Variants in PLPPR5 observed in about 807,000 individuals in gnomAD.
The protein encoded by PLPPR5 is phospholipid phosphatase-related protein type 5.
A neutral mutation model predicts 33.9 loss-of-function variants in PLPPR5; 16 were observed. The observed-to-expected ratio is 0.47, with a 90% CI of 0.32 to 0.72. The LOEUF is 0.72. PLPPR5 is among the 30% of genes least tolerant of loss of function. The pLI is 0.03. For missense variants in PLPPR5, 301 were observed against 406.7 expected, an observed-to-expected ratio of 0.74 and a Z score of 2.23; for synonymous variants, 163 against 150.3, an observed-to-expected ratio of 1.08 and a Z score of -0.62.
At chr1:98,984,466 A>G (rs1652183862) in intron 1 of PLPPR5, among the ~76,000 whole-genome samples, 2 of 152,078 alleles carry the variant, frequency 1.3e-5, no homozygotes, top group Admixed American at 1.3e-4. Flanking sequence ...ACCAAAGGTA[A>G]TTTAGAATTA....
chr1:98,913,006 C>G (rs1283540863), intron 5 of PLPPR5, among the ~76,000 whole-genome samples: 1 of 152,048 alleles, frequency 6.6e-6, no homozygotes, highest in East Asian at 1.9e-4. Context: ...AATTTTATCT[C>G]TCTTATGGCA....
At chr1:98,952,182 G>A (rs1650808817) in intron 3 of PLPPR5, among the ~76,000 whole-genome samples, 1 of 151,164 alleles carries the variant, frequency 6.6e-6, no homozygotes. Flanking sequence ...AGAATGGGGT[G>A]AACCTGGGAG....
rs184046111 is a variant in PLPPR5 at position 98,907,305 on chromosome 1, G to A, written c.933+7481C>T. The stretch of plus-strand genomic sequence containing the variant: ...CAACCTCTGCCCCCCAGGTTCAAGC[G>A]ATTCTCCTGCTTCAGCTTCCCAAGT... On this transcript the variant is annotated intron_variant, in intron 5 of 5. Coordinates refer to ENST00000263177, the MANE Select transcript of PLPPR5 (RefSeq NM_001037317.2). Among the ~76,000 whole-genome samples, 16 of 149,658 alleles carry A rather than the reference G, an allele frequency of 1.1e-4. 1 individual carries two copies. In the East Asian group the frequency reaches 3.0e-3, roughly 28 times the overall value.
intron 3 of PLPPR5, among the ~76,000 whole-genome samples, chr1:98,926,976 G>C (rs1649791787): frequency 2.0e-5 from 3 of 152,140 alleles, no homozygotes; most frequent in African/African-American, 7.2e-5. Flanking sequence ...GTGTCTGATG[G>C]GGTGTGTAAC....
chr1:98,969,742 T>TTCC (rs564720287), intron 1 of PLPPR5, among the ~76,000 whole-genome samples: 1 of 152,032 alleles, frequency 6.6e-6, no homozygotes, highest in African/African-American at 2.4e-5. Flanking sequence ...CCTTCCTTCC[T>TTCC]TTCTTTCTTT....
At chr1:98,982,609 T>C (rs749065994) in intron 1 of PLPPR5, among the ~76,000 whole-genome samples, 1 of 152,116 alleles carries the variant, frequency 6.6e-6, no homozygotes, top group Non-Finnish European at 1.5e-5. Context: ...GGAACACTCA[T>C]TCTATTTTAT....
At chr1:98,976,986 G>A (rs1651886759) in intron 1 of PLPPR5, among the ~76,000 whole-genome samples, 2 of 152,050 alleles carry the variant, frequency 1.3e-5, no homozygotes, top group South Asian at 4.1e-4. Flanking sequence ...AAGAGCCAGA[G>A]TGGAGGAGAC....
chr1:98,921,138 A>C (rs1299536571), intron 4 of PLPPR5, among the ~76,000 whole-genome samples: 1 of 152,192 alleles, frequency 6.6e-6, no homozygotes, highest in East Asian at 1.9e-4. Flanking sequence ...AATAATAATG[A>C]ATTCTAAAGT....
chr1:98,972,084 C>A (rs1651682496), intron 1 of PLPPR5, among the ~76,000 whole-genome samples: 1 of 151,986 alleles, frequency 6.6e-6, no homozygotes, highest in Non-Finnish European at 1.5e-5. Context: ...AACGAACCCT[C>A]AATGAGAAGA....
chr1:98,946,471 A>G (rs1650555738), intron 3 of PLPPR5, among the ~76,000 whole-genome samples: 1 of 152,046 alleles, frequency 6.6e-6, no homozygotes, highest in Admixed American at 6.6e-5. Flanking sequence ...CCAAATGTAC[A>G]CCCTCGTGCT....
chr1:98,999,223 G>A (rs528294460), intron 1 of PLPPR5, among the ~76,000 whole-genome samples: 11 of 152,188 alleles, frequency 7.2e-5, no homozygotes, highest in African/African-American at 2.2e-4. Context: ...CACAGCCTTG[G>A]AAAGCCTAAT....
chr1:98,996,976 A>G (rs1259511217), intron 1 of PLPPR5, among the ~76,000 whole-genome samples: 2 of 152,124 alleles, frequency 1.3e-5, no homozygotes, highest in Non-Finnish European at 2.9e-5. Context: ...GATCCTAGAT[A>G]TGTCATTTAC....
rs375641254 is a variant in PLPPR5 at position 98,971,631 on chromosome 1, T to A, written c.238-14890A>T. Among the ~76,000 whole-genome samples the A allele has an allele frequency of 5.3e-5, 8 of 152,174 alleles. No individual in the cohort carries two copies. The East Asian group carries it at 7.8e-4, about 15-fold the overall frequency. On this transcript the variant is annotated intron_variant, in intron 1 of 5. Coordinates refer to ENST00000263177, the MANE Select transcript of PLPPR5 (RefSeq NM_001037317.2). Reference sequence around the variant, plus strand: ...TGCACAATCTTAGATTCTGCTTTTCTACTGAGTCCTATTGTGGGCTGCTAA... The same window carrying A: ...TGCACAATCTTAGATTCTGCTTTTCAACTGAGTCCTATTGTGGGCTGCTAA...
chr1:98,900,247 C>T (rs2101134854), intron 5 of PLPPR5, among the ~76,000 whole-genome samples: 1 of 152,246 alleles, frequency 6.6e-6, no homozygotes, highest in Admixed American at 6.5e-5. Flanking sequence ...GTTTCTTGCC[C>T]TCGTGCCCTT....
chr1:98,926,446 TAG>T (rs1491370916), intron 3 of PLPPR5, among the ~76,000 whole-genome samples: 1 of 127,998 alleles, frequency 7.8e-6, no homozygotes, highest in African/African-American at 3.0e-5. Flanking sequence ...TAGGTTTGAT[TAG>T]TGTGTGTGTG....
intron 1 of PLPPR5, among the ~76,000 whole-genome samples, chr1:98,957,481 T>C (rs1011700530): frequency 4.6e-5 from 7 of 152,066 alleles, no homozygotes; most frequent in African/African-American, 1.2e-4. Flanking sequence ...TTAAATTCCA[T>C]GTTTTATTTT....
chr1:98,990,912 T>G (rs1386065482), intron 1 of PLPPR5: 1 of 152,184 alleles, frequency 6.6e-6, no homozygotes, highest in Non-Finnish European at 1.5e-5. Flanking sequence ...GTTATTTATA[T>G]CTACCATTTT....
chr1:98,922,134 C>A (rs1649579910), intron 3 of PLPPR5, 76 bp from the exon 4 acceptor site: 1 of 1,338,916 alleles, frequency 7.5e-7, no homozygotes, highest in Non-Finnish European at 1.0e-6. Context: ...TGTGTATGTA[C>A]AAACATATAT....
At chr1:98,956,794 TA>T (rs1277064283) in intron 1 of PLPPR5, 53 bp from the exon 2 acceptor site, 82 of 1,344,856 alleles carry the variant, frequency 6.1e-5, no homozygotes, top group Non-Finnish European at 8.0e-5. Context: ...AGTATAAATG[TA>T]AAATATTTTT....
Sources: gnomAD v4.1 joint callset for allele counts (sites outside exome capture counted in the v4.1 genomes callset) on GRCh38, gnomAD v4.1.1 for gene constraint, MANE v1.5 for transcripts, NCBI Gene and HGNC (gene_info 2026-07-23, HGNC 2026-07-21) for gene names.